The following TSHR variants were observed in gnomAD, a reference collection of about 807,000 sequenced individuals.
The protein encoded by TSHR is thyroid stimulating hormone receptor, also known as thyrotropin receptor.
A neutral mutation model predicts 64.1 loss-of-function variants in TSHR; 51 were observed. That is an observed-to-expected ratio of 0.80 (90% confidence interval 0.64 to 1.01). TSHR has a LOEUF of 1.01. TSHR is among the 50% of genes least tolerant of loss of function. The pLI is 0.00. For missense variants in TSHR, 877 were observed against 942.8 expected, an observed-to-expected ratio of 0.93 and a Z score of 0.91; for synonymous variants, 361 against 361.9, an observed-to-expected ratio of 1.00 and a Z score of 0.03.
rs1482072244 is a variant in TSHR, at chr14:81,108,839, G to A, written c.692+387G>A. 2.0e-6 allele frequency: 3 copies of A among 1,495,374 alleles called. No individual in the cohort carries two copies. In the African/African-American group the frequency reaches 4.2e-5, roughly 21 times the overall value. The allele number at this position is 1,495,374 out of a possible 1,614,324, so 92.6% of individuals were successfully genotyped here. A position where few individuals can be genotyped will look rare whatever the true frequency, so the allele number is the denominator to read the frequency against. On this transcript the variant is annotated intron_variant, in intron 8 of 9. Transcript: ENST00000298171. ...TGTACCTGAATGTACATTGCACAAT[G>A]CCTGGCACAAAGAAGGAAGAATATA...
intron 1 of TSHR, chr14:81,012,639 G>A (rs1240565005): frequency 6.6e-6 from 1 of 152,138 alleles, no homozygotes; most frequent in Non-Finnish European, 1.5e-5. Context: ...CATTCTAACT[G>A]GTGTGAGATG....
intron 3 of TSHR, among the ~76,000 whole-genome samples, chr14:81,087,157 T>C (rs1443315642): frequency 6.6e-6 from 1 of 152,242 alleles, no homozygotes; most frequent in Admixed American, 6.5e-5. Context: ...TAGATGCTGG[T>C]TCTTTTAGGT....
chr14:80,966,609 A>T (rs1244794287), intron 1 of TSHR, among the ~76,000 whole-genome samples: 3 of 152,296 alleles, frequency 2.0e-5, no homozygotes, highest in East Asian at 1.9e-4. Context: ...TTAAAAATTT[A>T]AAAAAGTAAA....
rs1014603882 is a variant in TSHR at position 80,985,261 on chromosome 14, CA to C, written c.170+29416del. ...CGAGACTCCGTCTCAAAAAACAAAC[CA>C]AAAAGAAAAAGGTAATTGCTTTTTT... On this transcript the variant is annotated intron_variant, in intron 1 of 9. Transcript: ENST00000298171. 1.8e-4 allele frequency among the ~76,000 whole-genome samples: 28 copies of C among 152,160 alleles called. 1 individual carries two copies. Among genetic ancestry groups the C allele is most frequent in the African/African-American group, 6.5e-4 (27 of 41,554 alleles).
Position 80,999,935 on chromosome 14 carries a change from C to CTT in TSHR, c.170+44098_170+44099dup, listed in dbSNP as rs557662208. ...CTACCAAATTTTTTTTCTTTTTTTT[C>CTT]TTTTTTTTTTTTTTGAGACAGACTC... On this transcript the variant is annotated intron_variant, in intron 1 of 9. Coordinates refer to ENST00000298171, the MANE Select transcript of TSHR (RefSeq NM_000369.5). 2.5e-3 allele frequency among the ~76,000 whole-genome samples: 336 copies of CTT among 136,350 alleles called. 4 individuals carry two copies. Among genetic ancestry groups the CTT allele is most frequent in the African/African-American group, 8.6e-3 (321 of 37,162 alleles). The allele number at this position is 136,350 out of a possible 152,430, so 89.5% of individuals were successfully genotyped here.
At chr14:81,052,286 C>T (rs1885477678) in intron 1 of TSHR, 1 of 152,106 alleles carries the variant, frequency 6.6e-6, no homozygotes, top group Admixed American at 6.6e-5. Context: ...TTTCTAACAC[C>T]ATTTATTGAA....
At chr14:81,091,017 A>AT (rs1262563069) in intron 4 of TSHR, 52 bp from the exon 5 acceptor site, 7 of 1,505,640 alleles carry the variant, frequency 4.6e-6, no homozygotes, top group East Asian at 4.5e-5. Context: ...CTATGTGTTG[A>AT]TTTTTTTACC....
At chr14:81,126,128 A>G (rs1891011828) in intron 8 of TSHR, among the ~76,000 whole-genome samples, 2 of 152,172 alleles carry the variant, frequency 1.3e-5, no homozygotes, top group Admixed American at 6.5e-5. Flanking sequence ...CTATTATGAG[A>G]AAAAAGAATT....
intron 1 of TSHR, chr14:81,012,763 C>T (rs886214629): frequency 9.3e-5 from 14 of 151,006 alleles, no homozygotes; most frequent in African/African-American, 3.4e-4. Flanking sequence ...CTGTTCATGT[C>T]CTTCGCCCAC....
In TSHR at chr14:81,103,113, G is replaced by C; in HGVS notation, c.615-5262G>C. 2.0e-6 allele frequency: 2 copies of C among 985,400 alleles called. No individual in the cohort carries two copies. Among genetic ancestry groups the C allele is most frequent in the Non-Finnish European group, 2.4e-6 (2 of 829,920 alleles). 61.0% of individuals were successfully genotyped at this position (985,400 alleles called of 1,614,324 possible). Reference sequence around the variant, plus strand: ...ATCAAAATGATGGTTGTGATAAGGAGCCCTGGGACTGGAGGAAGACAAGGA... The same window carrying C: ...ATCAAAATGATGGTTGTGATAAGGACCCCTGGGACTGGAGGAAGACAAGGA... On this transcript the variant is annotated intron_variant, in intron 7 of 9. Coordinates refer to ENST00000298171, the MANE Select transcript of TSHR (RefSeq NM_000369.5). This position sits in a 1 kb window ranked among gnomAD's most constrained non-coding sequence, Gnocchi z 4.1.
At chr14:81,020,181 T>G (rs1194769343) in intron 1 of TSHR, among the ~76,000 whole-genome samples, 1 of 152,208 alleles carries the variant, frequency 6.6e-6, no homozygotes, top group African/African-American at 2.4e-5. Context: ...GTTGAATGGA[T>G]AAATGACTGA....
chr14:81,083,274 T>C (rs1376680564), intron 3 of TSHR, among the ~76,000 whole-genome samples: 1 of 152,184 alleles, frequency 6.6e-6, no homozygotes, highest in African/African-American at 2.4e-5. Flanking sequence ...ACCCAGAATG[T>C]AGACATGTGA....
In TSHR at chr14:81,103,730, C is replaced by T. The variant is rs1889726238; in HGVS notation, c.615-4645C>T. The T allele has an allele frequency of 1.0e-6, 1 of 985,360 alleles. No individual in the cohort carries two copies. The highest frequency in any genetic ancestry group is 4.7e-5 in the South Asian group (1 of 21,292). 61.0% of individuals were successfully genotyped at this position (985,360 alleles called of 1,614,324 possible). A position where few individuals can be genotyped will look rare whatever the true frequency, so the allele number is the denominator to read the frequency against. ...CTGTACTTGGTCACAAGTTAAGTCA[C>T]ACATTCATTGTTTGGAATTTCTTTT... On this transcript the variant is annotated intron_variant, in intron 7 of 9. Coordinates refer to ENST00000298171, the MANE Select transcript of TSHR (RefSeq NM_000369.5). This position sits in a 1 kb window ranked among gnomAD's most constrained non-coding sequence, Gnocchi z 4.1.
intron 3 of TSHR, among the ~76,000 whole-genome samples, chr14:81,083,278 CAT>C (rs1888043447): frequency 6.6e-6 from 1 of 152,158 alleles, no homozygotes; most frequent in Admixed American, 6.5e-5. Flanking sequence ...AGAATGTAGA[CAT>C]GTGATTAAGT....
chr14:81,068,613 T>C (rs1010248612), intron 3 of TSHR: 82 of 418,150 alleles, frequency 2.0e-4, no homozygotes, highest in Non-Finnish European at 5.0e-5. Flanking sequence ...TGAATGTCAG[T>C]GAGACAATAG....
At chr14:81,126,644 A>G (rs1439395450) in intron 8 of TSHR, among the ~76,000 whole-genome samples, 1 of 152,222 alleles carries the variant, frequency 6.6e-6, no homozygotes, top group Non-Finnish European at 1.5e-5. Context: ...AACACTGCCA[A>G]AATGTTCTAA....
chr14:81,143,581 C>A lies in TSHR; in HGVS notation c.1523C>A (p.Ser508Ter). Residue 508 changes from serine to a stop codon, truncating the protein, a stop_gained, in exon 10 of 10, where the codon TCG (serine) becomes TAG (stop). Coordinates refer to ENST00000298171, the MANE Select transcript of TSHR (RefSeq NM_000369.5). LOFTEE classifies it high-confidence loss of function. ...GFFTVFASEL[S>*]VYTLTVITLE... ...TTCACTGTCTTTGCAAGCGAGTTAT[C>A]GGTGTATACGCTGACGGTCATCACC... is the stretch of plus-strand genomic sequence containing the variant. 6.2e-7 allele frequency: 1 copy of A among 1,613,366 alleles called. No homozygotes were observed. The highest frequency in any genetic ancestry group is 8.5e-7 in the Non-Finnish European group (1 of 1,180,030).
Position 81,059,416 on chromosome 14 carries a change from T to C in TSHR, c.171-2732T>C, listed in dbSNP as rs1176489949. Among the ~76,000 whole-genome samples the C allele has an allele frequency of 2.6e-5, 4 of 152,284 alleles. No homozygotes were observed. The South Asian group carries it at 6.2e-4, about 24-fold the overall frequency. On this transcript the variant is annotated intron_variant, in intron 1 of 9. Coordinates refer to ENST00000298171, the MANE Select transcript of TSHR (RefSeq NM_000369.5). ...GTCAACAAAATTTACACAAACTCAA[T>C]TGTGTATTTTTTTAGATTATGCGCA... is the stretch of plus-strand genomic sequence containing the variant.
chr14:81,115,580 A>G (rs1393713696), intron 8 of TSHR, among the ~76,000 whole-genome samples: 2 of 151,456 alleles, frequency 1.3e-5, no homozygotes, highest in East Asian at 3.9e-4. Flanking sequence ...TGATGTGGAG[A>G]ATGGAACCAA....
Sources: gnomAD v4.1 joint callset for allele counts (sites outside exome capture counted in the v4.1 genomes callset) on GRCh38, gnomAD v4.1.1 for gene constraint, Gnocchi (gnomAD v3.1) non-coding constraint, MANE v1.5 for transcripts, NCBI Gene and HGNC (gene_info 2026-07-23, HGNC 2026-07-21) for gene names.